Variants in TEX101 observed in about 807,000 individuals in gnomAD.
TEX101 encodes testis-expressed protein 101.
Under a neutral mutation model 18.1 loss-of-function variants are expected in TEX101, and 10 were observed. The observed-to-expected ratio is 0.55, with a 90% CI of 0.34 to 0.94. The LOEUF is 0.94. Ranked by LOEUF, TEX101 falls within the 40% of genes least tolerant of loss-of-function variation. The pLI is 0.02. For synonymous variants in TEX101, 94 were observed against 114.8 expected (o/e 0.82, Z 1.16); for missense variants, 259 against 298.9 (o/e 0.87, Z 0.98).
chr19:43,406,411 G>C (rs967873815), exon 3 of TEX101: 12 of 731,640 alleles, frequency 1.6e-5, no homozygotes, highest in Non-Finnish European at 2.5e-5. Context: ...CGGAACCTGC[G>C]GGAGAGAAGA....
chr19:43,409,166 G>A (rs1253314342), intron 3 of TEX101, among the ~76,000 whole-genome samples: 2 of 152,172 alleles, frequency 1.3e-5, no homozygotes, highest in African/African-American at 4.8e-5. Context: ...TAAATGGTTG[G>A]ATAACATCTA....
chr19:43,413,900 A>T (rs138925331), upstream of TEX101, among the ~76,000 whole-genome samples: 52 of 152,114 alleles, frequency 3.4e-4, no homozygotes, highest in African/African-American at 1.2e-3. Flanking sequence ...GGTTGCAGTG[A>T]GCTGAGATCA....
chr19:43,396,136 G>A, the TEX101 span, among the ~76,000 whole-genome samples: 1 of 152,202 alleles, frequency 6.6e-6, no homozygotes, highest in Non-Finnish European at 1.5e-5. Flanking sequence ...CAGATGCAGA[G>A]CCCACAGCCT....
chr19:43,395,836 G>T, the TEX101 span, among the ~76,000 whole-genome samples: 2 of 152,232 alleles, frequency 1.3e-5, no homozygotes, highest in Non-Finnish European at 2.9e-5. Flanking sequence ...TTGCTCATCT[G>T]CTAGCTCAGC....
At chr19:43,414,881 T>G, upstream of TEX101, 14 of 985,448 alleles carry the variant, frequency 1.4e-5, no homozygotes, top group Non-Finnish European at 1.7e-5. Context: ...TGGCCCGGCC[T>G]TGCGTCGTAA....
chr19:43,399,273 A>G (rs1970299621), upstream of TEX101, among the ~76,000 whole-genome samples: 1 of 152,170 alleles, frequency 6.6e-6, no homozygotes, highest in Non-Finnish European at 1.5e-5. Flanking sequence ...AAGTTGCAAT[A>G]GTTATATAGC....
intron 1 of TEX101, 117 bp downstream of exon 1, chr19:43,415,155 T>C: frequency 1.3e-6 from 1 of 752,092 alleles, no homozygotes; most frequent in Non-Finnish European, 1.6e-6. Flanking sequence ...GAAAAGGTGG[T>C]TGGAACCCAG....
chr19:43,392,233 G>A, the TEX101 span, among the ~76,000 whole-genome samples: 1 of 152,030 alleles, frequency 6.6e-6, no homozygotes, highest in Admixed American at 6.6e-5. Context: ...GGAGAGGCAT[G>A]GAGAGAGGGA....
At chr19:43,400,799 A>T (rs1436665490), upstream of TEX101, among the ~76,000 whole-genome samples, 1 of 152,202 alleles carries the variant, frequency 6.6e-6, no homozygotes, top group Admixed American at 6.5e-5. Context: ...ATTAAGCAAA[A>T]GGCTTAATGG....
the TEX101 span, among the ~76,000 whole-genome samples, chr19:43,388,970 G>C: frequency 7.9e-5 from 12 of 152,030 alleles, no homozygotes; most frequent in Admixed American, 7.2e-4. Flanking sequence ...TTCCTCCCGG[G>C]CCCTGCCTCT....
chr19:43,407,873 C>A (rs1442743391), intron 3 of TEX101, among the ~76,000 whole-genome samples: 1 of 152,220 alleles, frequency 6.6e-6, no homozygotes, highest in African/African-American at 2.4e-5. Flanking sequence ...CGGCCCCTCG[C>A]CCTTCACGCA....
At chr19:43,395,500 T>A in the TEX101 span, among the ~76,000 whole-genome samples, 2 of 152,192 alleles carry the variant, frequency 1.3e-5, no homozygotes, top group South Asian at 4.1e-4. Flanking sequence ...AACAACCATT[T>A]ATCAATTCAT....
At chr19:43,403,200 T>A (rs1253588279) in intron 2 of TEX101, among the ~76,000 whole-genome samples, 2 of 152,210 alleles carry the variant, frequency 1.3e-5, no homozygotes, top group Non-Finnish European at 2.9e-5. Flanking sequence ...CGTATTGGAT[T>A]CCTAAGATGT....
chr19:43,399,236 G>A (rs1381776226), upstream of TEX101, among the ~76,000 whole-genome samples: 1 of 152,076 alleles, frequency 6.6e-6, no homozygotes, highest in Non-Finnish European at 1.5e-5. Flanking sequence ...CATGAGTGAT[G>A]CTATCTACAT....
intron 3 of TEX101, among the ~76,000 whole-genome samples, chr19:43,407,584 G>A (rs1439873344): frequency 1.3e-5 from 2 of 152,234 alleles, no homozygotes; most frequent in Admixed American, 1.3e-4. Flanking sequence ...GTGAGCATGC[G>A]TGGTTGCCAT....
At position 43,418,496 on chromosome 19, in the gene TEX101, G is replaced by T; in HGVS notation, c.*99G>T. 1 of 945,738 alleles carries T rather than the reference G, an allele frequency of 1.1e-6. No homozygotes were observed. The allele number at this position is 945,738 out of a possible 1,614,324, so 58.6% of individuals were successfully genotyped here. On this transcript the variant is annotated 3_prime_UTR_variant, in exon 6 of 6. Transcript: ENST00000598265. ...GCTGAGGAGTAGATGGGAATTTGAGGGAGAATACAGAGATACTATGAACGT... is the reference window on the plus strand; with the variant it reads ...GCTGAGGAGTAGATGGGAATTTGAGTGAGAATACAGAGATACTATGAACGT...
chr19:43,414,835 T>A, upstream of TEX101: 1 of 985,326 alleles, frequency 1.0e-6, no homozygotes, highest in Non-Finnish European at 1.2e-6. Context: ...TGCTTTTGCA[T>A]CCACCAATGG....
chr19:43,394,307 G>T, the TEX101 span, among the ~76,000 whole-genome samples: 1 of 152,036 alleles, frequency 6.6e-6, no homozygotes, highest in Non-Finnish European at 1.5e-5. Flanking sequence ...CAGACAACTT[G>T]AGATGTAAGC....
chr19:43,389,116 G>T, the TEX101 span, among the ~76,000 whole-genome samples: 4 of 152,284 alleles, frequency 2.6e-5, no homozygotes, highest in South Asian at 8.3e-4. Context: ...CTTGGGACGG[G>T]CATCTGCACC....
Sources: gnomAD v4.1 joint callset for allele counts (sites outside exome capture counted in the v4.1 genomes callset) on GRCh38, gnomAD v4.1.1 for gene constraint, MANE v1.5 for transcripts, NCBI Gene and HGNC (gene_info 2026-07-23, HGNC 2026-07-21) for gene names.